STX18: variants seen among roughly 807,000 people sequenced by gnomAD.
The protein encoded by STX18 is syntaxin 18, also known as syntaxin-18.
In STX18, 40 loss-of-function variants were observed where a neutral mutation model predicts 50.1. The ratio of observed to expected loss-of-function variants is 0.80; its 90% CI spans 0.62 to 1.04. The LOEUF (loss-of-function observed/expected upper bound fraction) is 1.04. Ranked by LOEUF, STX18 falls within the 50% of genes least tolerant of loss-of-function variation. The pLI is 0.00. For missense variants in STX18, 410 were observed against 415.8 expected (o/e 0.99, Z 0.12); for synonymous variants, 158 against 151.8 (o/e 1.04, Z -0.30).
intron 1 of STX18, among the ~76,000 whole-genome samples, chr4:4,486,743 C>T (rs1728717335): frequency 1.3e-5 from 2 of 152,002 alleles, no homozygotes; most frequent in African/African-American, 2.4e-5. Flanking sequence ...ACAAGAGGGG[C>T]GAGAGGAAAA....
Position 4,419,567 on chromosome 4 carries a change from CAGACA to C in STX18, c.*462_*466del, listed in dbSNP as rs1724813115. The C allele has an allele frequency of 6.5e-6, 1 of 154,078 alleles. No homozygotes were observed. The highest frequency in any genetic ancestry group is 2.4e-5 in the African/African-American group (1 of 41,474). 9.5% of individuals were successfully genotyped at this position (154,078 alleles called of 1,614,324 possible). On this transcript the variant is annotated 3_prime_UTR_variant, in exon 11 of 11. Coordinates refer to ENST00000306200, the MANE Select transcript of STX18 (RefSeq NM_016930.4). ...AAGTCTGTGTATTCGTTGACTCAGA[CAGACA>C]AGAAGCCACAAGGAAACAAAGAAGT...
rs995517381 is a variant in STX18 at position 4,420,743 on chromosome 4, G to A, written c.912+121C>T. On this transcript the variant is annotated intron_variant, in intron 10 of 10. Coordinates refer to ENST00000306200, the MANE Select transcript of STX18 (RefSeq NM_016930.4). This position sits in a 1 kb window ranked among gnomAD's most constrained non-coding sequence, Gnocchi z 4.3. The stretch of plus-strand genomic sequence containing the variant: ...CAGCTCCGCGGTCACACAATTTTGT[G>A]ATCAGCCCCGTGAGCTCTGCCCAGC... The A allele has an allele frequency of 1.1e-6, 1 of 872,932 alleles. No homozygotes were observed. Among genetic ancestry groups the A allele is most frequent in the Admixed American group, 2.0e-5 (1 of 49,666 alleles). 54.1% of individuals were successfully genotyped at this position (872,932 alleles called of 1,614,324 possible). A position where few individuals can be genotyped will look rare whatever the true frequency, so the allele number is the denominator to read the frequency against.
chr4:4,436,574 G>GT, intron 6 of STX18, among the ~76,000 whole-genome samples: 1 of 152,332 alleles, frequency 6.6e-6, no homozygotes, highest in Admixed American at 6.5e-5. Context: ...GAATGGGAAA[G>GT]TTTTCTTAGC....
At chr4:4,444,357 G>A (rs1040939089) in intron 5 of STX18, among the ~76,000 whole-genome samples, 2 of 152,184 alleles carry the variant, frequency 1.3e-5, no homozygotes, top group Admixed American at 1.3e-4. Flanking sequence ...GGTCTGGCAT[G>A]ACCATCAGTT....
intron 8 of STX18, 21 bp from the exon 9 acceptor site, chr4:4,423,608 A>G (rs1725079818): frequency 1.2e-6 from 2 of 1,610,644 alleles, no homozygotes; most frequent in South Asian, 2.2e-5. Flanking sequence ...AGAACAGATT[A>G]CATATTAACT....
At chr4:4,495,692 C>G (rs546529293) in intron 1 of STX18, among the ~76,000 whole-genome samples, 1 of 150,352 alleles carries the variant, frequency 6.7e-6, no homozygotes, top group East Asian at 1.9e-4. Flanking sequence ...CAACTAAACG[C>G]AAAAACAAAG....
At chr4:4,479,795 A>G (rs1422623102) in intron 1 of STX18, among the ~76,000 whole-genome samples, 1 of 152,226 alleles carries the variant, frequency 6.6e-6, no homozygotes, top group Non-Finnish European at 1.5e-5. Context: ...ACAGGGGGAA[A>G]AAAAGACTCT....
At chr4:4,516,685 T>C (rs1730282893) in intron 1 of STX18, among the ~76,000 whole-genome samples, 1 of 152,218 alleles carries the variant, frequency 6.6e-6, no homozygotes. Context: ...CAATACATTC[T>C]TGACTAACGT....
intron 8 of STX18, 200 bp from the exon 9 acceptor site, chr4:4,423,787 C>A: frequency 1.7e-6 from 1 of 597,108 alleles, no homozygotes; most frequent in Non-Finnish European, 3.0e-6. Flanking sequence ...TCTGGCATAG[C>A]CTAGCACACT....
intron 1 of STX18, among the ~76,000 whole-genome samples, chr4:4,540,355 C>T (rs560323257): frequency 2.0e-5 from 3 of 152,208 alleles, no homozygotes; most frequent in African/African-American, 7.2e-5. Context: ...CCTTTAAGAT[C>T]TCCGCGTCCA....
chr4:4,525,629 C>T (rs1730714703), intron 1 of STX18, among the ~76,000 whole-genome samples: 1 of 152,148 alleles, frequency 6.6e-6, no homozygotes, highest in Non-Finnish European at 1.5e-5. Context: ...GGTACAAGAG[C>T]CACTGTGCTA....
At chr4:4,438,909 T>C (rs936073164) in intron 5 of STX18, among the ~76,000 whole-genome samples, 10 of 150,262 alleles carry the variant, frequency 6.7e-5, no homozygotes, top group African/African-American at 2.4e-4. Flanking sequence ...TAATATATAA[T>C]ACATATTATA....
rs1339953013 is a variant in STX18, at chr4:4,418,995, CTG to C, written c.*1037_*1038del. On this transcript the variant is annotated 3_prime_UTR_variant, in exon 11 of 11. Coordinates refer to ENST00000306200, the MANE Select transcript of STX18 (RefSeq NM_016930.4). ...TCCAGGTAGACGTGGACTTTATTGA[CTG>C]TGAATTCATTTACATGTAACTTCTG... The C allele has an allele frequency of 2.0e-5, 3 of 152,240 alleles. No homozygotes were observed. The highest frequency in any genetic ancestry group is 7.2e-5 in the African/African-American group (3 of 41,444). 9.4% of individuals were successfully genotyped at this position (152,240 alleles called of 1,614,324 possible).
chr4:4,460,231 A>G (rs143479982), intron 2 of STX18, among the ~76,000 whole-genome samples: 21 of 152,316 alleles, frequency 1.4e-4, no homozygotes, highest in Non-Finnish European at 2.8e-4. Flanking sequence ...TATCCCCATC[A>G]TCAAGAGCAA....
intron 5 of STX18, among the ~76,000 whole-genome samples, chr4:4,447,556 A>C (rs1029761418): frequency 2.4e-5 from 3 of 126,474 alleles, no homozygotes; most frequent in Middle Eastern, 4.8e-3. Context: ...GCGCCACTGC[A>C]CTCCAGCCTG....
chr4:4,459,326 T>G, intron 3 of STX18, 46 bp downstream of exon 3: 1 of 1,392,074 alleles, frequency 7.2e-7, no homozygotes. Flanking sequence ...GTTTAACTAC[T>G]TGCTATATTC....
chr4:4,537,451 T>C (rs562038075), intron 1 of STX18, among the ~76,000 whole-genome samples: 100 of 152,208 alleles, frequency 6.6e-4, no homozygotes, highest in African/African-American at 2.3e-3. Flanking sequence ...GAGGTGGACA[T>C]AGACCTGACC....
chr4:4,510,512 G>A (rs892778376), intron 1 of STX18, among the ~76,000 whole-genome samples: 29 of 152,144 alleles, frequency 1.9e-4, no homozygotes, highest in Non-Finnish European at 4.0e-4. Context: ...CAGAGATGCT[G>A]GAGAGGCTGT....
Position 4,541,805 on chromosome 4 carries a change from G to C in STX18, c.160C>G (p.Arg54Gly), listed in dbSNP as rs776857072. 4 of 1,608,122 alleles carry C rather than the reference G, an allele frequency of 2.5e-6. No homozygotes were observed. Among genetic ancestry groups the C allele is most frequent in the Non-Finnish European group, 3.4e-6 (4 of 1,177,230 alleles). ...RPKGDFSSRA[R>G]EVISHIGKLR... is the part of the protein sequence containing the mutation. ...CATAGCAACCAGCTCACCACTTCGCGGGCCCGGCTGGAGAAGTCGCCCTTG... is the reference window on the plus strand; with the variant it reads ...CATAGCAACCAGCTCACCACTTCGCCGGCCCGGCTGGAGAAGTCGCCCTTG... Residue 54 changes from arginine to glycine, a missense_variant, in exon 1 of 11, where the codon CGC becomes GGC. Coordinates refer to ENST00000306200, the MANE Select transcript of STX18 (RefSeq NM_016930.4).
Sources: allele counts gnomAD v4.1 joint callset (sites outside exome capture counted in the v4.1 genomes callset), GRCh38; gene constraint gnomAD v4.1.1; non-coding constraint Gnocchi (gnomAD v3.1); transcripts MANE v1.5; gene names NCBI Gene and HGNC (gene_info 2026-07-23, HGNC 2026-07-21).